PTPRM: variants seen among roughly 807,000 people sequenced by gnomAD.
PTPRM encodes the protein receptor-type tyrosine-protein phosphatase mu.
PTPRM carries 47 observed loss-of-function variants against 186.7 expected under a neutral mutation model. The observed-to-expected ratio is 0.25, with a 90% CI of 0.20 to 0.32. The LOEUF (loss-of-function observed/expected upper bound fraction) is 0.32. PTPRM is among the 10% of genes least tolerant of loss of function. PTPRM has a pLI of 1.00. For synonymous variants in PTPRM, 668 were observed against 674.9 expected, an observed-to-expected ratio of 0.99 and a Z score of 0.16; for missense variants, 1,494 against 1,865.0, an observed-to-expected ratio of 0.80 and a Z score of 3.66.
intron 14 of PTPRM, among the ~76,000 whole-genome samples, chr18:8,152,355 G>A (rs987625251): frequency 6.6e-5 from 10 of 152,244 alleles, no homozygotes; most frequent in Non-Finnish European, 1.3e-4. Flanking sequence ...ATTTCAGGGC[G>A]AGTTAATATT....
chr18:7,650,960 C>G (rs2038688770), intron 1 of PTPRM, among the ~76,000 whole-genome samples: 1 of 140,806 alleles, frequency 7.1e-6, no homozygotes, highest in Admixed American at 7.4e-5. Flanking sequence ...GAGACAGTGT[C>G]TTGCACTGTT....
At chr18:8,283,260 A>G (rs2094923406) in intron 19 of PTPRM, among the ~76,000 whole-genome samples, 1 of 152,240 alleles carries the variant, frequency 6.6e-6, no homozygotes, top group Admixed American at 6.5e-5. Flanking sequence ...GAATAAATGG[A>G]AGCTCTCCAT....
intron 7 of PTPRM, among the ~76,000 whole-genome samples, chr18:8,003,287 G>A (rs918543563): frequency 1.3e-4 from 20 of 152,274 alleles, no homozygotes; most frequent in South Asian, 2.1e-4. Flanking sequence ...TGCCTACGGC[G>A]ACATAAGACA....
At chr18:7,767,281 A>T (rs985754448) in intron 1 of PTPRM, among the ~76,000 whole-genome samples, 1 of 152,266 alleles carries the variant, frequency 6.6e-6, no homozygotes, top group Non-Finnish European at 1.5e-5. Flanking sequence ...CTTTTAGAAC[A>T]GAATGATAAA....
chr18:8,289,577 C>CAT (rs753067953), intron 19 of PTPRM, among the ~76,000 whole-genome samples: 2 of 116,668 alleles, frequency 1.7e-5, no homozygotes, highest in East Asian at 4.4e-4. Context: ...TATATATATA[C>CAT]ATATATATAT....
chr18:8,029,875 A>T (rs2085844257), intron 7 of PTPRM, among the ~76,000 whole-genome samples: 1 of 152,142 alleles, frequency 6.6e-6, no homozygotes. Flanking sequence ...CCCCTGTGTG[A>T]TCTGACCATC....
rs1034998267 is a variant in PTPRM at position 8,266,652 on chromosome 18, A to G, written c.2754+13238A>G. On this transcript the variant is annotated intron_variant, in intron 19 of 32. Coordinates refer to ENST00000580170, the MANE Select transcript of PTPRM (RefSeq NM_001105244.2). Reference sequence around the variant, plus strand: ...TGGCTGGATGCCACGGCTCATGCCTATAATCTCAGCACTTTGGGAGGCTGA... The same window carrying G: ...TGGCTGGATGCCACGGCTCATGCCTGTAATCTCAGCACTTTGGGAGGCTGA... Among the ~76,000 whole-genome samples, 8 of 152,284 alleles carry G rather than the reference A, an allele frequency of 5.3e-5. No homozygotes were observed. The East Asian group carries it at 5.8e-4, about 11-fold the overall frequency.
At chr18:7,792,779 C>T (rs1382524580) in intron 2 of PTPRM, among the ~76,000 whole-genome samples, 1 of 152,024 alleles carries the variant, frequency 6.6e-6, no homozygotes, top group Non-Finnish European at 1.5e-5. Context: ...GATCCTACCA[C>T]CTCAGCCTCC....
intron 20 of PTPRM, among the ~76,000 whole-genome samples, chr18:8,303,565 AAG>A (rs1381757487): frequency 2.0e-5 from 3 of 152,180 alleles, no homozygotes; most frequent in Non-Finnish European, 4.4e-5. Context: ...GGGCACGAGC[AAG>A]AGAGAAGCAG....
intron 14 of PTPRM, among the ~76,000 whole-genome samples, chr18:8,180,941 G>A (rs1480846138): frequency 1.3e-5 from 2 of 152,098 alleles, no homozygotes; most frequent in African/African-American, 2.4e-5. Context: ...TTAGTTTGAT[G>A]GCGGGTGGGG....
At chr18:8,368,934 G>A (rs1023658861) in intron 23 of PTPRM, among the ~76,000 whole-genome samples, 2 of 152,170 alleles carry the variant, frequency 1.3e-5, no homozygotes, top group Non-Finnish European at 1.5e-5. Flanking sequence ...TGCAAGAAGG[G>A]CATCATACCA....
At chr18:8,314,019 T>C (rs892563430) in intron 20 of PTPRM, among the ~76,000 whole-genome samples, 1 of 152,122 alleles carries the variant, frequency 6.6e-6, no homozygotes, top group Non-Finnish European at 1.5e-5. Flanking sequence ...AAATACAATA[T>C]ACATTTTCAA....
chr18:7,595,054 C>G (rs966421555), intron 1 of PTPRM, among the ~76,000 whole-genome samples: 4 of 152,246 alleles, frequency 2.6e-5, no homozygotes, highest in African/African-American at 9.6e-5. Flanking sequence ...ATGTGCCACT[C>G]GTTGAATAGC....
At chr18:7,811,553 A>AT (rs1374760659) in intron 2 of PTPRM, among the ~76,000 whole-genome samples, 2 of 151,924 alleles carry the variant, frequency 1.3e-5, no homozygotes, top group African/African-American at 4.8e-5. Flanking sequence ...TTTAGTAGAG[A>AT]TAAAGTCTTG....
At chr18:7,682,327 C>T (rs1447691863) in intron 1 of PTPRM, among the ~76,000 whole-genome samples, 4 of 152,170 alleles carry the variant, frequency 2.6e-5, no homozygotes, top group African/African-American at 9.7e-5. Context: ...AATGAAGAAA[C>T]TAGCATTAGA....
chr18:7,826,734 A>G (rs2145672812), intron 2 of PTPRM, among the ~76,000 whole-genome samples: 1 of 152,308 alleles, frequency 6.6e-6, no homozygotes, highest in East Asian at 1.9e-4. Context: ...AAAGAAAACA[A>G]CTTTTTGTTG....
chr18:8,259,412 G>A (rs1225628837), intron 19 of PTPRM, among the ~76,000 whole-genome samples: 1 of 152,086 alleles, frequency 6.6e-6, no homozygotes, highest in Non-Finnish European at 1.5e-5. Flanking sequence ...GTTTTCTGAG[G>A]AACCTGAATT....
At chr18:8,400,547 G>T (rs2095866768) in intron 32 of PTPRM, among the ~76,000 whole-genome samples, 1 of 152,176 alleles carries the variant, frequency 6.6e-6, no homozygotes, top group African/African-American at 2.4e-5. Context: ...GGTGTAGGAG[G>T]ATCAGCGGGC....
chr18:7,730,205 A>T (rs549484499), intron 1 of PTPRM, among the ~76,000 whole-genome samples: 1 of 152,226 alleles, frequency 6.6e-6, no homozygotes, highest in Non-Finnish European at 1.5e-5. Flanking sequence ...AGAGGGTGTC[A>T]CCATAGGATG....
Sources: allele counts gnomAD v4.1 joint callset (sites outside exome capture counted in the v4.1 genomes callset), GRCh38; gene constraint gnomAD v4.1.1; transcripts MANE v1.5; gene names NCBI Gene and HGNC (gene_info 2026-07-23, HGNC 2026-07-21).